CACNA1B: variants seen among roughly 807,000 people sequenced by gnomAD.
CACNA1B encodes the protein voltage-dependent N-type calcium channel subunit alpha-1B.
CACNA1B carries 70 observed loss-of-function variants against 247.2 expected under a neutral mutation model. The ratio of observed to expected loss-of-function variants is 0.28; its 90% CI spans 0.23 to 0.35. The LOEUF (loss-of-function observed/expected upper bound fraction) is 0.35. CACNA1B is among the 10% of genes least tolerant of loss of function. CACNA1B has a pLI of 1.00. For missense variants in CACNA1B, 2,367 were observed against 3,197.4 expected (o/e 0.74, Z 6.26); for synonymous variants, 1,231 against 1,294.4 (o/e 0.95, Z 1.05).
chr9:137,978,268 C>CA (rs1958250221), intron 12 of CACNA1B, among the ~76,000 whole-genome samples: 1 of 139,938 alleles, frequency 7.1e-6, no homozygotes, highest in Non-Finnish European at 1.6e-5. Context: ...CCCTCCCCCC[C>CA]AGGAAGGAGT....
At chr9:137,991,344 GA>G (rs1057104351) in intron 15 of CACNA1B, among the ~76,000 whole-genome samples, 88 of 152,264 alleles carry the variant, frequency 5.8e-4, no homozygotes, top group African/African-American at 2.0e-3. Context: ...AGAGCTCAAA[GA>G]AAAAGCTTTT....
At chr9:137,912,165 C>T (rs1262500438) in intron 3 of CACNA1B, among the ~76,000 whole-genome samples, 1 of 152,170 alleles carries the variant, frequency 6.6e-6, no homozygotes, top group Non-Finnish European at 1.5e-5. Context: ...CCTAGAGCTC[C>T]AGGTCTGGAT....
At chr9:138,063,638 G>A (rs1459898668) in intron 31 of CACNA1B, among the ~76,000 whole-genome samples, 1 of 152,224 alleles carries the variant, frequency 6.6e-6, no homozygotes, top group Admixed American at 6.5e-5. Flanking sequence ...TGCTCACCAG[G>A]TTGGCACCTG....
Position 137,882,237 on chromosome 9 carries a change from G to A in CACNA1B, c.391-507G>A, listed in dbSNP as rs1956933150. Among the ~76,000 whole-genome samples the A allele has an allele frequency of 6.6e-6, 1 of 152,220 alleles. No individual in the cohort carries two copies. The highest frequency in any genetic ancestry group is 2.4e-5 in the African/African-American group (1 of 41,454). On this transcript the variant is annotated intron_variant, in intron 2 of 46. Transcript: ENST00000371372. The surrounding 1 kb of genome is among the most constrained non-coding windows in gnomAD (Gnocchi z 4.0). ...CAGGTTCCCACCCAGAGGCTGCTGTGGCCTCTGCCTGGCTCCTGGGCATCT... is the reference window on the plus strand; with the variant it reads ...CAGGTTCCCACCCAGAGGCTGCTGTAGCCTCTGCCTGGCTCCTGGGCATCT...
chr9:138,044,909 TA>T (rs1959170056), intron 21 of CACNA1B, among the ~76,000 whole-genome samples: 1 of 152,090 alleles, frequency 6.6e-6, no homozygotes, highest in Non-Finnish European at 1.5e-5. Context: ...AGTAAAGCGG[TA>T]ATGGAGACAG....
rs542330628 is a variant in CACNA1B, at chr9:137,930,196, A to G, written c.966+12765A>G. ...GCTCACGCTGGGGGTTTAGATGATT[A>G]TTTAGACTTCCTTCTTTTGTGAGGT... On this transcript the variant is annotated intron_variant, in intron 6 of 46. Transcript: ENST00000371372. Among the ~76,000 whole-genome samples, 16 of 152,310 alleles carry G rather than the reference A, an allele frequency of 1.1e-4. 1 individual carries two copies. The South Asian group carries it at 3.3e-3, about 32-fold the overall frequency.
chr9:137,945,177 T>G (rs563295824), intron 6 of CACNA1B, among the ~76,000 whole-genome samples: 1 of 152,354 alleles, frequency 6.6e-6, no homozygotes, highest in East Asian at 1.9e-4. Flanking sequence ...TACAGTATTA[T>G]AGTAGAAAAT....
chr9:138,031,479 CT>C (rs1958987461), intron 20 of CACNA1B, among the ~76,000 whole-genome samples: 2 of 152,260 alleles, frequency 1.3e-5, no homozygotes. Context: ...AACATGCATT[CT>C]GTGTTGTTGA....
intron 36 of CACNA1B, among the ~76,000 whole-genome samples, chr9:138,094,167 C>T (rs953082369): frequency 4.6e-5 from 7 of 152,232 alleles, no homozygotes; most frequent in African/African-American, 1.7e-4. Context: ...ATAAGCTAGT[C>T]ACAAAAGGAC....
intron 13 of CACNA1B, among the ~76,000 whole-genome samples, chr9:137,984,563 C>T (rs2133380812): frequency 6.6e-6 from 1 of 152,334 alleles, no homozygotes; most frequent in Non-Finnish European, 1.5e-5. Context: ...GGTGACTTTG[C>T]TTTGTAGTTA....
chr9:138,052,475 G>A lies in CACNA1B; in HGVS notation c.3807+287G>A, dbSNP rs766614682. Among the ~76,000 whole-genome samples the A allele has an allele frequency of 1.1e-4, 17 of 152,160 alleles. No homozygotes were observed. The highest frequency in any genetic ancestry group is 2.4e-4 in the Non-Finnish European group (16 of 68,032). The stretch of plus-strand genomic sequence containing the variant: ...TGCGGGAAAGGCTGCCGGGACAGGT[G>A]CAGGGTGGTGGAGGGAGATGCTGGA... On this transcript the variant is annotated intron_variant, in intron 25 of 46. Transcript: ENST00000371372. This position sits in a 1 kb window ranked among gnomAD's most constrained non-coding sequence, Gnocchi z 5.1.
At chr9:137,972,316 G>A (rs1958162752) in intron 11 of CACNA1B, among the ~76,000 whole-genome samples, 1 of 152,178 alleles carries the variant, frequency 6.6e-6, no homozygotes, top group African/African-American at 2.4e-5. Flanking sequence ...TTCAGGTAGT[G>A]ATTCAGCCCT....
At chr9:138,077,224 C>T (rs936250) in intron 35 of CACNA1B, among the ~76,000 whole-genome samples, 7 of 152,034 alleles carry the variant, frequency 4.6e-5, no homozygotes, top group African/African-American at 1.2e-4. Flanking sequence ...CCTGGGGCTG[C>T]GCACACAGAC....
At chr9:137,892,215 C>T (rs529928102) in intron 3 of CACNA1B, 16 of 456,784 alleles carry the variant, frequency 3.5e-5, no homozygotes, top group South Asian at 1.2e-4. Flanking sequence ...CACAGCCGGG[C>T]GCTGCAACAG....
At chr9:138,112,262 T>G in intron 39 of CACNA1B, 136 bp from the exon 40 acceptor site, 1 of 658,956 alleles carries the variant, frequency 1.5e-6, no homozygotes, top group Non-Finnish European at 2.8e-6. Context: ...TGCACCCTCC[T>G]TCCAGCACCG....
chr9:138,013,448 C>T (rs182128773), intron 18 of CACNA1B, among the ~76,000 whole-genome samples: 3 of 152,258 alleles, frequency 2.0e-5, no homozygotes, highest in Admixed American at 2.0e-4. Context: ...TGGCCAGGCA[C>T]AGCCCTCACA....
At chr9:137,898,228 CTGA>C (rs1957194261) in intron 3 of CACNA1B, among the ~76,000 whole-genome samples, 1 of 152,186 alleles carries the variant, frequency 6.6e-6, no homozygotes, top group Non-Finnish European at 1.5e-5. Flanking sequence ...TTATGTTTCT[CTGA>C]TGCTTTCAAT....
chr9:137,904,559 G>T (rs185250108), intron 3 of CACNA1B, among the ~76,000 whole-genome samples: 169 of 151,646 alleles, frequency 1.1e-3, no homozygotes, highest in African/African-American at 3.9e-3. Context: ...TTGTAGAGAT[G>T]GGTCTCATAT....
chr9:138,094,721 TGGCATAAAGATAGATACATA>T (rs1376200844), intron 36 of CACNA1B, among the ~76,000 whole-genome samples: 8 of 152,202 alleles, frequency 5.3e-5, no homozygotes, highest in African/African-American at 1.9e-4. Flanking sequence ...AATGTGGTAC[TGGCATAAAGATAGATACATA>T]GGCCAATTAA....
Sources: gnomAD v4.1 joint callset for allele counts (sites outside exome capture counted in the v4.1 genomes callset) on GRCh38, gnomAD v4.1.1 for gene constraint, Gnocchi (gnomAD v3.1) non-coding constraint, MANE v1.5 for transcripts, NCBI Gene and HGNC (gene_info 2026-07-23, HGNC 2026-07-21) for gene names.